The following THEMIS variants were observed in gnomAD, a reference collection of about 807,000 sequenced individuals.
The protein encoded by THEMIS is thymocyte selection associated.
In THEMIS, 37 loss-of-function variants were observed where a neutral mutation model predicts 52.6. The observed-to-expected ratio is 0.70, with a 90% CI of 0.54 to 0.93. The LOEUF (loss-of-function observed/expected upper bound fraction) is 0.93. THEMIS is among the 40% of genes least tolerant of loss of function. The pLI is 0.00. For missense variants in THEMIS, 808 were observed against 763.1 expected (o/e 1.06, Z -0.69); for synonymous variants, 292 against 272.7 (o/e 1.07, Z -0.70).
chr6:127,912,956 G>A (rs536317514), intron 1 of THEMIS, among the ~76,000 whole-genome samples: 10 of 152,224 alleles, frequency 6.6e-5, no homozygotes, highest in South Asian at 4.1e-4. Flanking sequence ...GAATCTTCTC[G>A]TCTAAGCAAA....
intron 1 of THEMIS, among the ~76,000 whole-genome samples, chr6:127,869,553 G>A (rs1780091610): frequency 6.6e-6 from 1 of 152,166 alleles, no homozygotes; most frequent in South Asian, 2.1e-4. Flanking sequence ...TAAGTTGGGG[G>A]CTGTCTGTAT....
intron 5 of THEMIS, among the ~76,000 whole-genome samples, chr6:127,716,205 G>A (rs1211548690): frequency 2.0e-5 from 3 of 151,854 alleles, no homozygotes; most frequent in African/African-American, 4.8e-5. Context: ...AAACAAATAA[G>A]CATATTTAAA....
chr6:127,909,054 A>T (rs1781347200), intron 1 of THEMIS, among the ~76,000 whole-genome samples: 1 of 151,574 alleles, frequency 6.6e-6, no homozygotes, highest in South Asian at 2.1e-4. Context: ...TATTAAGTAT[A>T]TATATTACAA....
chr6:127,792,839 G>T (rs998509207), intron 4 of THEMIS, among the ~76,000 whole-genome samples: 2 of 152,222 alleles, frequency 1.3e-5, no homozygotes, highest in African/African-American at 4.8e-5. Context: ...CAGACAATGA[G>T]AAAGCACTTC....
At chr6:127,745,046 G>C (rs1176222688) in intron 4 of THEMIS, among the ~76,000 whole-genome samples, 4 of 151,810 alleles carry the variant, frequency 2.6e-5, no homozygotes, top group Admixed American at 2.0e-4. Context: ...AAAGAAAAAA[G>C]AAATGAAACA....
chr6:127,750,231 CTG>C (rs1331649037), intron 4 of THEMIS, among the ~76,000 whole-genome samples: 2 of 151,326 alleles, frequency 1.3e-5, no homozygotes, highest in Admixed American at 1.3e-4. Flanking sequence ...TTCTGGCCAC[CTG>C]TGGCTGAGAA....
chr6:127,902,907 A>AT (rs1250511924), upstream of THEMIS, among the ~76,000 whole-genome samples: 2 of 151,950 alleles, frequency 1.3e-5, no homozygotes, highest in African/African-American at 2.4e-5. Context: ...GATATCACTT[A>AT]TTTTTTTAAT....
chr6:127,853,242 G>A (rs1017407805), intron 2 of THEMIS, among the ~76,000 whole-genome samples: 1 of 151,538 alleles, frequency 6.6e-6, no homozygotes, highest in East Asian at 1.9e-4. Context: ...ATTAAGGCAC[G>A]AAAAACTATA....
intron 1 of THEMIS, among the ~76,000 whole-genome samples, chr6:127,870,753 A>G (rs1181696512): frequency 1.3e-5 from 2 of 152,202 alleles, no homozygotes; most frequent in African/African-American, 4.8e-5. Context: ...AAAACATTAC[A>G]TAATGATAAA....
intron 4 of THEMIS, among the ~76,000 whole-genome samples, chr6:127,740,542 C>T (rs1775165726): frequency 6.6e-6 from 1 of 152,200 alleles, no homozygotes; most frequent in African/African-American, 2.4e-5. Context: ...TGGCCTGAAA[C>T]TTCCCAATGT....
chr6:127,734,466 A>T (rs997578901), intron 4 of THEMIS, among the ~76,000 whole-genome samples: 1 of 152,182 alleles, frequency 6.6e-6, no homozygotes, highest in African/African-American at 2.4e-5. Flanking sequence ...CTGGAGGTTC[A>T]TTATGCTATT....
intron 1 of THEMIS, among the ~76,000 whole-genome samples, chr6:127,856,750 T>A (rs1779632315): frequency 6.6e-6 from 1 of 152,014 alleles, no homozygotes; most frequent in Non-Finnish European, 1.5e-5. Flanking sequence ...ATATTTTCGT[T>A]AACTTTAATG....
downstream of THEMIS, among the ~76,000 whole-genome samples, chr6:127,703,753 T>C (rs1773761536): frequency 6.6e-6 from 1 of 152,206 alleles, no homozygotes; most frequent in African/African-American, 2.4e-5. Context: ...TTTAAGATTC[T>C]GGTGAGCTAA....
At chr6:127,895,364 A>G (rs920250233) in intron 1 of THEMIS, among the ~76,000 whole-genome samples, 1 of 151,556 alleles carries the variant, frequency 6.6e-6, no homozygotes, top group Non-Finnish European at 1.5e-5. Context: ...ACACAACTTG[A>G]TGTTTCTGAC....
intron 1 of THEMIS, among the ~76,000 whole-genome samples, chr6:127,889,296 A>C (rs1780734943): frequency 6.6e-6 from 1 of 152,120 alleles, no homozygotes; most frequent in South Asian, 2.1e-4. Context: ...CAAGCATACC[A>C]TGTACTCAAA....
chr6:127,703,120 T>C (rs1338838558), downstream of THEMIS, among the ~76,000 whole-genome samples: 1 of 129,900 alleles, frequency 7.7e-6, no homozygotes, highest in African/African-American at 2.9e-5. Context: ...GGATCTCGGC[T>C]CACTGCAAGC....
chr6:127,898,656 T>G (rs907903354), intron 1 of THEMIS, among the ~76,000 whole-genome samples: 14 of 151,708 alleles, frequency 9.2e-5, no homozygotes, highest in African/African-American at 2.9e-4. Context: ...GGATATATAT[T>G]CAAAAGAAAA....
chr6:127,874,276 TA>T (rs1463712755), intron 1 of THEMIS, among the ~76,000 whole-genome samples: 1 of 152,220 alleles, frequency 6.6e-6, no homozygotes, highest in Non-Finnish European at 1.5e-5. Flanking sequence ...GGTAGAACAA[TA>T]TTACTATAGT....
chr6:127,698,644 C>A, the THEMIS span, among the ~76,000 whole-genome samples: 1 of 151,996 alleles, frequency 6.6e-6, no homozygotes, highest in Admixed American at 6.6e-5. Flanking sequence ...TCATACAGGA[C>A]CTATTCTCCT....
Sources: gnomAD v4.1 joint callset for allele counts (sites outside exome capture counted in the v4.1 genomes callset) on GRCh38, gnomAD v4.1.1 for gene constraint, MANE v1.5 for transcripts, NCBI Gene and HGNC (gene_info 2026-07-23, HGNC 2026-07-21) for gene names.